MYO3B: variants seen among roughly 807,000 people sequenced by gnomAD.
The protein encoded by MYO3B is myosin-IIIb.
A neutral mutation model predicts 174.6 loss-of-function variants in MYO3B; 156 were observed. The ratio of observed to expected loss-of-function variants is 0.89; its 90% confidence interval spans 0.78 to 1.02. MYO3B has a LOEUF of 1.02. Among genes scored for constraint, MYO3B ranks in the 50% least tolerant of loss-of-function variants. MYO3B has a pLI of 0.00. For missense variants in MYO3B, 1,632 were observed against 1,639.4 expected, an observed-to-expected ratio of 1.00 and a Z score of 0.08; for synonymous variants, 563 against 569.1, an observed-to-expected ratio of 0.99 and a Z score of 0.15.
At chr2:170,321,809 A>T (rs759560849) in intron 7 of MYO3B, among the ~76,000 whole-genome samples, 3 of 152,116 alleles carry the variant, frequency 2.0e-5, no homozygotes, top group African/African-American at 7.2e-5. Context: ...ACTTGCTGGC[A>T]CTGTGTGTTC....
At chr2:170,298,553 T>C (rs182732968) in intron 7 of MYO3B, among the ~76,000 whole-genome samples, 1 of 151,242 alleles carries the variant, frequency 6.6e-6, no homozygotes, top group Admixed American at 6.6e-5. Context: ...CGGGGACCTG[T>C]AATCCCAGCT....
At position 170,509,022 on chromosome 2, in the gene MYO3B, A is replaced by G. The variant is rs183635451; in HGVS notation, c.3371-5899A>G. 1.7e-3 allele frequency among the ~76,000 whole-genome samples: 137 copies of G among 82,774 alleles called. 1 individual carries two copies. The Middle Eastern group carries it at 0.034, about 20-fold the overall frequency. 54.3% of individuals were successfully genotyped at this position (82,774 alleles called of 152,430 possible). On this transcript the variant is annotated intron_variant, in intron 28 of 34. Coordinates refer to ENST00000408978, the MANE Select transcript of MYO3B (RefSeq NM_138995.5). ...TAAATGTCAACTTCACTGGGGGGGA[A>G]AAAAGTCTGTGAAATACTCTTCTAT...
intron 32 of MYO3B, among the ~76,000 whole-genome samples, chr2:170,649,203 A>T (rs190782332): frequency 0.018 from 991 of 56,534 alleles, 123 homozygotes; most frequent in Non-Finnish European, 0.024. Context: ...TATTATATAT[A>T]AAATAATATA....
chr2:170,646,837 C>A, intron 32 of MYO3B: 1 of 840,350 alleles, frequency 1.2e-6, no homozygotes, highest in Non-Finnish European at 1.8e-6. Flanking sequence ...TAAATTGAAG[C>A]TGTTCGTCAG....
At chr2:170,470,416 C>T (rs1684915520) in intron 25 of MYO3B, among the ~76,000 whole-genome samples, 1 of 152,130 alleles carries the variant, frequency 6.6e-6, no homozygotes, top group Non-Finnish European at 1.5e-5. Flanking sequence ...GAAATGAATA[C>T]TGGTACTATG....
At chr2:170,542,512 G>A (rs1009033763) in intron 30 of MYO3B, among the ~76,000 whole-genome samples, 2 of 152,128 alleles carry the variant, frequency 1.3e-5, no homozygotes, top group African/African-American at 2.4e-5. Flanking sequence ...ACTTGATTAC[G>A]GAATCCATTT....
At chr2:170,542,883 T>C (rs1559100020) in intron 30 of MYO3B, 23 bp from the exon 31 acceptor site, 2 of 1,560,324 alleles carry the variant, frequency 1.3e-6, no homozygotes, top group Non-Finnish European at 1.7e-6. Flanking sequence ...CTTTTAAAAT[T>C]ATTATTATTG....
At chr2:170,647,033 T>C in intron 32 of MYO3B, 1 of 671,586 alleles carries the variant, frequency 1.5e-6, no homozygotes, top group South Asian at 1.6e-5. Context: ...TACTTTAATA[T>C]AATTAAACGC....
intron 32 of MYO3B, among the ~76,000 whole-genome samples, chr2:170,544,384 T>G (rs914231102): frequency 2.6e-5 from 4 of 152,236 alleles, no homozygotes. Context: ...TGGCCATTCT[T>G]TGAGCAAGTA....
At chr2:170,483,404 T>TTTTTTTTG (rs1685825710) in intron 25 of MYO3B, among the ~76,000 whole-genome samples, 3 of 120,252 alleles carry the variant, frequency 2.5e-5, no homozygotes, top group Admixed American at 8.0e-5. Flanking sequence ...TTTTTTTTTT[T>TTTTTTTTG]GAGACGGAGT....
At chr2:170,501,279 A>G (rs535340916) in intron 27 of MYO3B, among the ~76,000 whole-genome samples, 4 of 152,226 alleles carry the variant, frequency 2.6e-5, no homozygotes, top group Non-Finnish European at 5.9e-5. Flanking sequence ...ATTCACTCAC[A>G]GCAAATGACA....
intron 32 of MYO3B, among the ~76,000 whole-genome samples, chr2:170,596,703 C>G (rs182585021): frequency 2.6e-3 from 399 of 152,326 alleles, no homozygotes; most frequent in Middle Eastern, 0.017. Flanking sequence ...CCCGCTGCCC[C>G]CCCAGGGCCT....
At chr2:170,392,269 G>A in intron 15 of MYO3B, 112 bp from the exon 16 acceptor site, 1 of 638,356 alleles carries the variant, frequency 1.6e-6, no homozygotes, top group Non-Finnish European at 2.6e-6. Context: ...CTTCAGGCTG[G>A]GCAACAGAGT....
intron 32 of MYO3B, among the ~76,000 whole-genome samples, chr2:170,595,267 A>G (rs997196517): frequency 6.6e-6 from 1 of 152,222 alleles, no homozygotes; most frequent in Non-Finnish European, 1.5e-5. Context: ...CCTTAACTAA[A>G]GACGGCCAGA....
At chr2:170,460,798 A>G (rs1684237329) in intron 23 of MYO3B, among the ~76,000 whole-genome samples, 1 of 152,242 alleles carries the variant, frequency 6.6e-6, no homozygotes, top group Admixed American at 6.5e-5. Flanking sequence ...AATTTGCTGT[A>G]GGGAACTGGT....
chr2:170,304,928 A>C (rs1325753265), intron 7 of MYO3B, among the ~76,000 whole-genome samples: 2 of 150,462 alleles, frequency 1.3e-5, no homozygotes, highest in Non-Finnish European at 2.9e-5. Context: ...AGAATCTGAC[A>C]TTTTAATACA....
At chr2:170,544,547 A>G (rs1690348749) in intron 32 of MYO3B, among the ~76,000 whole-genome samples, 1 of 152,254 alleles carries the variant, frequency 6.6e-6, no homozygotes, top group African/African-American at 2.4e-5. Flanking sequence ...AATATTTACA[A>G]GCTAGAAGAT....
rs1324967617 is a variant in MYO3B at position 170,473,560 on chromosome 2, G to A, written c.3014+6849G>A. On this transcript the variant is annotated intron_variant, in intron 25 of 34. Transcript: ENST00000408978. ...GTTGAGGTTAAGTTTTCCTTGTACT[G>A]TAGTGTACAACCTAGATTGATAGAA... Among the ~76,000 whole-genome samples the A allele has an allele frequency of 3.3e-5, 5 of 152,088 alleles. 1 individual carries two copies.
intron 32 of MYO3B, among the ~76,000 whole-genome samples, chr2:170,570,354 C>G (rs1453683015): frequency 6.6e-6 from 1 of 152,136 alleles, no homozygotes; most frequent in African/African-American, 2.4e-5. Context: ...TTTTATTTAG[C>G]TGCTTCTTTT....
Sources: gnomAD v4.1 joint callset for allele counts (sites outside exome capture counted in the v4.1 genomes callset) on GRCh38, gnomAD v4.1.1 for gene constraint, MANE v1.5 for transcripts, NCBI Gene and HGNC (gene_info 2026-07-23, HGNC 2026-07-21) for gene names.